The following HRH2 variants were observed in gnomAD, a reference collection of about 807,000 sequenced individuals.
The protein encoded by HRH2 is histamine receptor H2.
HRH2 carries 4 observed loss-of-function variants against 20.1 expected under a neutral mutation model. The observed-to-expected ratio is 0.20, with a 90% confidence interval of 0.10 to 0.45. The LOEUF is 0.45. HRH2 is among the 20% of genes least tolerant of loss of function. HRH2 has a pLI of 0.99. For synonymous variants in HRH2, 197 were observed against 200.7 expected, an observed-to-expected ratio of 0.98 and a Z score of 0.16; for missense variants, 250 against 461.6, an observed-to-expected ratio of 0.54 and a Z score of 4.20.
intron 2 of HRH2, among the ~76,000 whole-genome samples, chr5:175,705,037 C>A (rs1225940160): frequency 6.6e-6 from 1 of 152,060 alleles, no homozygotes; most frequent in Non-Finnish European, 1.5e-5. Context: ...GTGCAATACC[C>A]TTGTTATACC....
intron 1 of HRH2, among the ~76,000 whole-genome samples, chr5:175,672,279 G>C (rs1268021573): frequency 6.6e-6 from 1 of 152,102 alleles, no homozygotes; most frequent in Non-Finnish European, 1.5e-5. Context: ...CTGGGTGGCA[G>C]GGATGTGGGC....
At chr5:175,695,434 A>G (rs988204353) in intron 2 of HRH2, among the ~76,000 whole-genome samples, 8 of 152,210 alleles carry the variant, frequency 5.3e-5, no homozygotes, top group African/African-American at 1.9e-4. Flanking sequence ...CAGCTCGCGC[A>G]GGAGTAGGTA....
intron 2 of HRH2, among the ~76,000 whole-genome samples, chr5:175,698,421 C>G (rs187672338): frequency 6.2e-4 from 95 of 152,308 alleles, no homozygotes; most frequent in Admixed American, 1.2e-3. Context: ...CAGCTCTTAC[C>G]TGCGTGGAGC....
chr5:175,696,901 G>A (rs1216481923), intron 2 of HRH2, among the ~76,000 whole-genome samples: 1 of 152,238 alleles, frequency 6.6e-6, no homozygotes, highest in Non-Finnish European at 1.5e-5. Flanking sequence ...CAGTGCAGCA[G>A]GAGCTCAGCG....
chr5:175,698,551 G>C (rs74833789), intron 2 of HRH2, among the ~76,000 whole-genome samples: 8,801 of 152,244 alleles, frequency 0.058, 774 homozygotes, highest in African/African-American at 0.19. Context: ...CGAGCACTTA[G>C]TAAATGCTAC....
At chr5:175,696,198 C>T (rs1473054430) in intron 2 of HRH2, among the ~76,000 whole-genome samples, 4 of 152,234 alleles carry the variant, frequency 2.6e-5, no homozygotes, top group African/African-American at 9.6e-5. Flanking sequence ...TTGAAAAAAA[C>T]ATTTCACAGT....
chr5:175,658,710 G>GCCGGATGA (rs1439837814), intron 1 of HRH2, among the ~76,000 whole-genome samples: 1 of 150,768 alleles, frequency 6.6e-6, no homozygotes, highest in African/African-American at 2.5e-5. Context: ...GCCGCCCGCT[G>GCCGGATGA]CCGGATGACC....
chr5:175,700,512 G>A (rs562528113), intron 2 of HRH2, among the ~76,000 whole-genome samples: 1 of 152,204 alleles, frequency 6.6e-6, no homozygotes, highest in African/African-American at 2.4e-5. Context: ...CAAAGGGGCT[G>A]CAGGAGCCAG....
intron 2 of HRH2, among the ~76,000 whole-genome samples, chr5:175,697,712 G>A (rs559446593): frequency 6.2e-4 from 95 of 152,202 alleles, no homozygotes; most frequent in African/African-American, 2.1e-3. Context: ...GTAGCTCCCC[G>A]GTGCCTGCCA....
At chr5:175,685,545 A>G (rs1305136333) in intron 2 of HRH2, 8 of 1,455,916 alleles carry the variant, frequency 5.5e-6, no homozygotes, top group Non-Finnish European at 7.5e-6. Context: ...GGGGATGTAG[A>G]AATGAGATTT....
At chr5:175,660,801 T>G (rs1424035795) in intron 1 of HRH2, among the ~76,000 whole-genome samples, 1 of 152,202 alleles carries the variant, frequency 6.6e-6, no homozygotes, top group Admixed American at 6.5e-5. Flanking sequence ...GTTTTCCAGA[T>G]TGAAGTTTTC....
intron 1 of HRH2, among the ~76,000 whole-genome samples, chr5:175,678,968 C>A (rs1351993824): frequency 5.9e-5 from 9 of 152,302 alleles, no homozygotes; most frequent in African/African-American, 2.2e-4. Context: ...TAGATGGTCT[C>A]GCCCCTCTGG....
At chr5:175,699,444 G>C (rs1237438999) in intron 2 of HRH2, among the ~76,000 whole-genome samples, 1 of 152,172 alleles carries the variant, frequency 6.6e-6, no homozygotes, top group Non-Finnish European at 1.5e-5. Flanking sequence ...CCTCTTAAAG[G>C]AGAGACCTGC....
rs59293932 is a variant in HRH2 at position 175,663,917 on chromosome 5, A to G, written c.-526+5762A>G. ...GCTGCCCCATCTGAAAACCAGAAGA[A>G]GTGGGACTGGCTGATTGCAAAGGGC... On this transcript the variant is annotated intron_variant, in intron 1 of 2. Transcript: ENST00000636584. 3.9e-3 allele frequency among the ~76,000 whole-genome samples: 587 copies of G among 152,310 alleles called. 4 individuals carry two copies. Among genetic ancestry groups the G allele is most frequent in the African/African-American group, 0.013 (542 of 41,568 alleles).
In HRH2 at chr5:175,673,904, C is replaced by A. The variant is rs191409043; in HGVS notation, c.-525-8805C>A. 5.3e-5 allele frequency among the ~76,000 whole-genome samples: 8 copies of A among 152,156 alleles called. No homozygotes were observed. In the East Asian group the frequency reaches 1.5e-3, roughly 29 times the overall value. ...ATTTTTAGTACAGACAGAGTTTTGC[C>A]ATGTTGGCCAGGCTGGTCTCGAACT... On this transcript the variant is annotated intron_variant, in intron 1 of 2. Coordinates refer to ENST00000636584, the MANE Select transcript of HRH2 (RefSeq NM_001367711.1).
rs949016294 is a variant in HRH2 at position 175,681,173 on chromosome 5, C to T, written c.-525-1536C>T. Among the ~76,000 whole-genome samples the T allele has an allele frequency of 3.9e-5, 6 of 152,276 alleles. No individual in the cohort carries two copies. Among genetic ancestry groups the T allele is most frequent in the Non-Finnish European group, 7.4e-5 (5 of 68,016 alleles). On this transcript the variant is annotated intron_variant, in intron 1 of 2. Coordinates refer to ENST00000636584, the MANE Select transcript of HRH2 (RefSeq NM_001367711.1). The surrounding 1 kb of genome is among the most constrained non-coding windows in gnomAD (Gnocchi z 4.3). ...AAGTTAATTAAGTGTGGCGGTGAGACCCATGCTGTTTGGGCTATTTATGTA... is the reference window on the plus strand; with the variant it reads ...AAGTTAATTAAGTGTGGCGGTGAGATCCATGCTGTTTGGGCTATTTATGTA...
At chr5:175,674,981 G>A (rs1353735629) in intron 1 of HRH2, among the ~76,000 whole-genome samples, 1 of 152,194 alleles carries the variant, frequency 6.6e-6, no homozygotes, top group Admixed American at 6.5e-5. Context: ...AAAGCCCAAA[G>A]TCCTTTCTCC....
Position 175,695,297 on chromosome 5 carries a change from G to A in HRH2, c.1076+10988G>A, listed in dbSNP as rs552844518. On this transcript the variant is annotated intron_variant, in intron 2 of 2. Coordinates refer to ENST00000636584, the MANE Select transcript of HRH2 (RefSeq NM_001367711.1). The stretch of plus-strand genomic sequence containing the variant: ...ACGCTGATTAACCTTGCCAAGCCTC[G>A]GTTTCTTCACTTGTCAAAGGGGATG... Among the ~76,000 whole-genome samples, 36 of 152,122 alleles carry A rather than the reference G, an allele frequency of 2.4e-4. 1 individual carries two copies. The highest frequency in any genetic ancestry group is 1.9e-3 in the Admixed American group (29 of 15,282).
At chr5:175,702,673 T>A (rs1756823810) in intron 2 of HRH2, among the ~76,000 whole-genome samples, 1 of 141,814 alleles carries the variant, frequency 7.1e-6, no homozygotes, top group Non-Finnish European at 1.5e-5. Context: ...TGCCTCAACC[T>A]CCTGAGTAGC....
Sources: gnomAD v4.1 joint callset for allele counts (sites outside exome capture counted in the v4.1 genomes callset) on GRCh38, gnomAD v4.1.1 for gene constraint, Gnocchi (gnomAD v3.1) non-coding constraint, MANE v1.5 for transcripts, NCBI Gene and HGNC (gene_info 2026-07-23, HGNC 2026-07-21) for gene names.